SNRNP48: variants seen among roughly 807,000 people sequenced by gnomAD.
SNRNP48 encodes U11/U12 small nuclear ribonucleoprotein 48 kDa protein.
Under a neutral mutation model 47.0 loss-of-function variants are expected in SNRNP48, and 43 were observed. That is an observed-to-expected ratio of 0.92 (90% CI 0.72 to 1.18). The LOEUF (loss-of-function observed/expected upper bound fraction) is 1.18. Ranked by LOEUF, SNRNP48 falls within the 50% of genes most tolerant of loss-of-function variation. The probability of loss-of-function intolerance (pLI) is 0.00; values close to 1 mark genes in which losing one functional copy is unlikely to be tolerated. For missense variants in SNRNP48, 396 were observed against 422.2 expected (o/e 0.94, Z 0.54); for synonymous variants, 138 against 144.0 (o/e 0.96, Z 0.30).
chr6:7,600,395 C>A, intron 4 of SNRNP48: 1 of 169,304 alleles, frequency 5.9e-6, no homozygotes, highest in Non-Finnish European at 1.2e-5. Context: ...TTCTATGAAC[C>A]AGTTACTACT....
At chr6:7,596,755 C>T (rs978217982) in intron 4 of SNRNP48, among the ~76,000 whole-genome samples, 3 of 152,180 alleles carry the variant, frequency 2.0e-5, no homozygotes, top group African/African-American at 7.2e-5. Context: ...GGAGAGATTA[C>T]TGAGCTATGA....
At chr6:7,606,316 T>A in intron 8 of SNRNP48, 121 bp downstream of exon 8, 1 of 1,001,022 alleles carries the variant, frequency 1.0e-6, no homozygotes, top group Non-Finnish European at 1.4e-6. Context: ...GTAAGGAGAG[T>A]AAACAATTGA....
intron 4 of SNRNP48, chr6:7,599,564 G>T (rs900454483): frequency 4.5e-5 from 25 of 557,534 alleles, no homozygotes; most frequent in Non-Finnish European, 6.3e-5. Context: ...TTATGTAAAT[G>T]TAAGTTTATT....
intron 1 of SNRNP48, 57 bp downstream of exon 1, chr6:7,590,470 G>T: frequency 8.0e-7 from 1 of 1,256,306 alleles, no homozygotes; most frequent in Non-Finnish European, 1.0e-6. Context: ...GTCTTCTCTG[G>T]AAGAAGGGAG....
At chr6:7,593,875 A>G (rs372571214) in intron 2 of SNRNP48, 28 bp downstream of exon 2, 8 of 1,416,400 alleles carry the variant, frequency 5.6e-6, no homozygotes, top group African/African-American at 1.5e-5. Context: ...TATTATATAT[A>G]CATATATGTC....
intron 4 of SNRNP48, among the ~76,000 whole-genome samples, chr6:7,598,845 A>C (rs1581836232): frequency 6.6e-6 from 1 of 152,230 alleles, no homozygotes; most frequent in Non-Finnish European, 1.5e-5. Flanking sequence ...TATTCAATCT[A>C]TATACTTATT....
At position 7,609,498 on chromosome 6, in the gene SNRNP48, A is replaced by G. The variant is rs1760192788; in HGVS notation, c.*625A>G. On this transcript the variant is annotated 3_prime_UTR_variant, in exon 9 of 9. Coordinates refer to ENST00000342415, the MANE Select transcript of SNRNP48 (RefSeq NM_152551.4). ...TTGTAGAAAGTTATATACAAATTAT[A>G]TATATGTACAAAACAATACTATGCA... The G allele has an allele frequency of 6.6e-6, 1 of 152,210 alleles. No individual in the cohort carries two copies. The highest frequency in any genetic ancestry group is 2.4e-5 in the African/African-American group (1 of 41,458). 9.4% of individuals were successfully genotyped at this position (152,210 alleles called of 1,614,324 possible).
intron 8 of SNRNP48, among the ~76,000 whole-genome samples, chr6:7,608,242 G>GC (rs749366888): frequency 2.0e-5 from 3 of 151,834 alleles, no homozygotes; most frequent in Non-Finnish European, 2.9e-5. Flanking sequence ...TTAAGAGTAT[G>GC]TATGAAAAAT....
intron 1 of SNRNP48, among the ~76,000 whole-genome samples, chr6:7,592,101 G>T (rs1759828865): frequency 6.6e-6 from 1 of 152,180 alleles, no homozygotes; most frequent in East Asian, 1.9e-4. Flanking sequence ...GTAGGCGGTG[G>T]TGGACAAAGT....
rs748665902 is a variant in SNRNP48, at chr6:7,590,339, A to G, written c.82A>G (p.Thr28Ala). Residue 28 changes from threonine (T) to alanine (A), a missense_variant, in exon 1 of 9, where the codon ACG becomes GCG. By Grantham distance (58) the Thr-to-Ala change is moderately conservative. Transcript: ENST00000342415. Reference protein sequence around the residue: ...LNEFVESGCRTLEEVTASLGW... With the variant: ...LNEFVESGCRALEEVTASLGW... ...CGAGTTCGTGGAGAGCGGCTGCCGG[A>G]CGTTGGAGGAGGTGACCGCGTCCCT... is the stretch of plus-strand genomic sequence containing the variant. 57 of 1,401,694 alleles carry G rather than the reference A, an allele frequency of 4.1e-5. No homozygotes were observed. Among genetic ancestry groups the G allele is most frequent in the Non-Finnish European group, 5.2e-5 (55 of 1,064,698 alleles). The allele number at this position is 1,401,694 out of a possible 1,614,324, so 86.8% of individuals were successfully genotyped here. A position where few individuals can be genotyped will look rare whatever the true frequency, so the allele number is the denominator to read the frequency against.
intron 8 of SNRNP48, among the ~76,000 whole-genome samples, chr6:7,607,421 G>A (rs772083477): frequency 1.3e-5 from 2 of 152,148 alleles, no homozygotes; most frequent in South Asian, 2.1e-4. Context: ...TTGCTACTAC[G>A]CCATGAAATG....
chr6:7,596,303 AG>A (rs1366299337), intron 4 of SNRNP48, among the ~76,000 whole-genome samples: 1 of 152,096 alleles, frequency 6.6e-6, no homozygotes, highest in Non-Finnish European at 1.5e-5. Context: ...AGTTAATAAA[AG>A]TTTAAATTTC....
intron 2 of SNRNP48, 125 bp from the exon 3 acceptor site, chr6:7,593,974 G>T: frequency 2.1e-6 from 2 of 963,868 alleles, no homozygotes; most frequent in East Asian, 2.7e-5. Flanking sequence ...AGGGTTGGTT[G>T]GTACTTGCCT....
At chr6:7,605,952 T>G in intron 7 of SNRNP48, 79 bp from the exon 8 acceptor site, 1 of 1,406,372 alleles carries the variant, frequency 7.1e-7, no homozygotes, top group Non-Finnish European at 9.6e-7. Context: ...AATATTACAC[T>G]TTAGACTGGT....
chr6:7,604,665 C>CA (rs1341186396), intron 6 of SNRNP48, among the ~76,000 whole-genome samples: 1 of 152,142 alleles, frequency 6.6e-6, no homozygotes, highest in Non-Finnish European at 1.5e-5. Context: ...AGTGTAAACT[C>CA]CTATTTTAGT....
chr6:7,607,512 T>A (rs1760150152), intron 8 of SNRNP48, among the ~76,000 whole-genome samples: 1 of 152,190 alleles, frequency 6.6e-6, no homozygotes, highest in Non-Finnish European at 1.5e-5. Flanking sequence ...TCCACTTTTG[T>A]GTTCTGCTGC....
intron 4 of SNRNP48, chr6:7,599,948 C>T: frequency 2.0e-6 from 2 of 1,012,134 alleles, no homozygotes; most frequent in Non-Finnish European, 2.4e-6. Context: ...TTAAAAATAA[C>T]AGGCAAAGGT....
intron 8 of SNRNP48, among the ~76,000 whole-genome samples, chr6:7,607,632 T>C (rs1223074218): frequency 1.3e-5 from 2 of 152,202 alleles, no homozygotes; most frequent in Non-Finnish European, 2.9e-5. Context: ...CTGATCATCT[T>C]TTCCATTTTG....
At chr6:7,599,768 G>A (rs1414169578) in intron 4 of SNRNP48, 1 of 1,270,104 alleles carries the variant, frequency 7.9e-7, no homozygotes, top group Non-Finnish European at 1.0e-6. Flanking sequence ...CCTTTTAAAA[G>A]TAAAATTTCT....
Sources: allele counts gnomAD v4.1 joint callset (sites outside exome capture counted in the v4.1 genomes callset), GRCh38; gene constraint gnomAD v4.1.1; transcripts MANE v1.5; gene names NCBI Gene and HGNC (gene_info 2026-07-23, HGNC 2026-07-21).